Variants in GART observed in about 807,000 individuals in gnomAD.
GART encodes trifunctional purine biosynthetic protein adenosine-3.
In GART, 43 loss-of-function variants were observed where a neutral mutation model predicts 107.2. The ratio of observed to expected loss-of-function variants is 0.40; its 90% CI spans 0.31 to 0.52. The LOEUF is 0.52. GART is among the 20% of genes least tolerant of loss of function. The pLI, the probability that GART is intolerant of heterozygous loss-of-function variation, is 0.52. For synonymous variants in GART, 434 were observed against 427.0 expected, an observed-to-expected ratio of 1.02 and a Z score of -0.20; for missense variants, 1,107 against 1,206.5, an observed-to-expected ratio of 0.92 and a Z score of 1.22.
At chr21:33,520,332 G>T in intron 14 of GART, 32 bp downstream of exon 14, 2 of 1,592,338 alleles carry the variant, frequency 1.3e-6, no homozygotes, top group South Asian at 1.1e-5. Context: ...AAAGAAGAAT[G>T]ACATGTTATT....
rs2084891563 is a variant in GART, at chr21:33,517,033, T to G, written c.2063A>C (p.Glu688Ala). 6.2e-7 allele frequency: 1 copy of G among 1,613,778 alleles called. No homozygotes were observed. The highest frequency in any genetic ancestry group is 8.5e-7 in the Non-Finnish European group (1 of 1,179,906). The change falls in exon 16 of 22, where the codon GAG becomes GCG. Residue 688 changes from glutamate to alanine, a missense_variant. Transcript: ENST00000381815. ...CTCAGGGAGGACTCTGGGGATGTTC[T>G]CTAGTAATCCTCCACCAGTAATATG... ...FAHITGGGLL[E>A]NIPRVLPEKL... is the part of the protein sequence containing the mutation.
chr21:33,527,514 C>T (rs1010582069), intron 10 of GART, among the ~76,000 whole-genome samples: 2 of 150,714 alleles, frequency 1.3e-5, no homozygotes, highest in African/African-American at 2.4e-5. Flanking sequence ...GAGTCTATCT[C>T]GAAAAAAAAA....
At chr21:33,536,032 C>CA (rs200189222) in intron 2 of GART, among the ~76,000 whole-genome samples, 1,445 of 138,496 alleles carry the variant, frequency 0.01, 67 homozygotes, top group Admixed American at 0.085. Context: ...AACTCTGTCT[C>CA]AAAAAAAAAA....
At chr21:33,523,950 A>G in intron 11 of GART, 1 of 951,408 alleles carries the variant, frequency 1.1e-6, no homozygotes, top group Non-Finnish European at 1.2e-6. Context: ...CTGGGCGACA[A>G]GAGCAAAATT....
At chr21:33,534,470 G>T in intron 4 of GART, 109 bp downstream of exon 4, 1 of 1,145,458 alleles carries the variant, frequency 8.7e-7, no homozygotes, top group Non-Finnish European at 1.3e-6. Flanking sequence ...ACCTGCCTTG[G>T]CCTCCCAAAG....
At position 33,524,966 on chromosome 21, in the gene GART, C is replaced by T; in HGVS notation, c.1101G>A (p.Val367=). ...TTTTGAGGGCAGTGCCTGCATGGAA[C>T]ACCTCCAGTCCTAGAGCTTGAGCCT... ...FPEAQALGLE[V]FHAGTALKNG... The change falls in exon 11 of 22, where the codon GTG becomes GTA. Residue 367 remains valine (V), a synonymous_variant. Coordinates refer to ENST00000381815, the MANE Select transcript of GART (RefSeq NM_000819.5). 6.2e-7 allele frequency: 1 copy of T among 1,614,192 alleles called. No individual in the cohort carries two copies. The highest frequency in any genetic ancestry group is 1.6e-4 in the Middle Eastern group (1 of 6,062).
At chr21:33,523,413 A>G (rs2085008414) in intron 11 of GART, among the ~76,000 whole-genome samples, 1 of 152,166 alleles carries the variant, frequency 6.6e-6, no homozygotes, top group Non-Finnish European at 1.5e-5. Flanking sequence ...TTTATAACTT[A>G]AATAATTCAG....
rs1458737131 is a variant in GART at position 33,515,669 on chromosome 21, A to AC, written c.2107+1319_2107+1320insG. Among the ~76,000 whole-genome samples the AC allele has an allele frequency of 1.4e-3, 206 of 151,234 alleles. 2 individuals carry two copies. Among genetic ancestry groups the AC allele is most frequent in the African/African-American group, 4.8e-3 (199 of 41,246 alleles). ...CTCCAACTCAAAAAAAAAAAAAAAA[A>AC]AAAAAACGAAAAACAAAAAACAAAA... is the stretch of plus-strand genomic sequence containing the variant. On this transcript the variant is annotated intron_variant, in intron 16 of 21. Transcript: ENST00000381815.
chr21:33,530,790 C>T lies in GART; in HGVS notation c.692G>A (p.Gly231Glu), dbSNP rs374582609. The change falls in exon 7 of 22, where the codon GGG (glycine) becomes GAG (glutamate). Residue 231 changes from glycine (G) to glutamate (E), a missense_variant. Gly to Glu is a moderately conservative substitution (Grantham distance 98). Coordinates refer to ENST00000381815, the MANE Select transcript of GART (RefSeq NM_000819.5). ...LLEGDGGPNT[G>E]GMGAYCPAPQ... ...GGCTGGACAATAGGCTCCCATTCCCCCTGTGTTAGGGCCACCATCTCCCTC... is the reference window on the plus strand; with the variant it reads ...GGCTGGACAATAGGCTCCCATTCCCTCTGTGTTAGGGCCACCATCTCCCTC... 18 of 1,520,196 alleles carry T rather than the reference C, an allele frequency of 1.2e-5. 1 individual carries two copies. The highest frequency in any genetic ancestry group is 1.6e-5 in the Non-Finnish European group (18 of 1,140,150). 94.2% of individuals were successfully genotyped at this position (1,520,196 alleles called of 1,614,324 possible).
Position 33,518,481 on chromosome 21 carries a change from A to C in GART, c.1703-873T>G, listed in dbSNP as rs143607144. ...TCACAGAGCAAGACTCCATCTCAAA[A>C]AGAAAAAAAAAAAAGAAGAAATTGT... On this transcript the variant is annotated intron_variant, in intron 14 of 21. Coordinates refer to ENST00000381815, the MANE Select transcript of GART (RefSeq NM_000819.5). The C allele has an allele frequency of 8.2e-4, 161 of 196,370 alleles. 1 individual carries two copies. Among genetic ancestry groups the C allele is most frequent in the Middle Eastern group, 4.5e-3 (2 of 442 alleles). The allele number at this position is 196,370 out of a possible 1,614,324, so 12.2% of individuals were successfully genotyped here. A position where few individuals can be genotyped will look rare whatever the true frequency, so the allele number is the denominator to read the frequency against.
rs1442108843 is a variant in GART at position 33,511,359 on chromosome 21, C to A, written c.2207G>T (p.Gly736Val). 1 of 1,614,162 alleles carries A rather than the reference C, an allele frequency of 6.2e-7. No individual in the cohort carries two copies. Among genetic ancestry groups the A allele is most frequent in the Non-Finnish European group, 8.5e-7 (1 of 1,180,034 alleles). The change falls in exon 17 of 22, where the codon GGC becomes GTC. Residue 736 changes from glycine (G) to valine (V), a missense_variant. Transcript: ENST00000381815. ...CTCCTTTGATACCACAAGGACAGCGCCAACCCCACAGTTAAATGTTCTGGC... is the reference window on the plus strand; with the variant it reads ...CTCCTTTGATACCACAAGGACAGCGACAACCCCACAGTTAAATGTTCTGGC... ...EMARTFNCGV[G>V]AVLVVSKEQT...
intron 14 of GART, among the ~76,000 whole-genome samples, chr21:33,520,127 C>T (rs2084943587): frequency 6.6e-6 from 1 of 152,080 alleles, no homozygotes; most frequent in Non-Finnish European, 1.5e-5. Context: ...TAAGGCCTGC[C>T]TGACAGTTTG....
In GART at chr21:33,522,202, G is replaced by A. The variant is rs976204987; in HGVS notation, c.1379C>T (p.Ala460Val). 1 of 1,612,896 alleles carries A rather than the reference G, an allele frequency of 6.2e-7. No homozygotes were observed. Among genetic ancestry groups the A allele is most frequent in the Admixed American group, 1.7e-5 (1 of 59,988 alleles). Residue 460 changes from alanine to valine, a missense_variant, in exon 12 of 22, where the codon GCC (alanine) becomes GTC (valine). By Grantham distance (64) the Ala-to-Val change is moderately conservative. Coordinates refer to ENST00000381815, the MANE Select transcript of GART (RefSeq NM_000819.5). ...LVKKIQPLAK[A>V]TSRSGCKVDL... ...GGATCACTGACCTGATCTGGAAGTG[G>A]CTTTTGCTAAAGGCTGAATTTTCTT... is the stretch of plus-strand genomic sequence containing the variant.
chr21:33,506,093 G>C lies in GART; in HGVS notation c.2464C>G (p.Gln822Glu). The stretch of plus-strand genomic sequence containing the variant: ...TCCCGAGTACTGTCTATAAGTGCTT[G>C]CAGGTTCGATCCTGAGAAGGGAGAA... ...VLISGTGSNL[Q>E]ALIDSTREPN... Residue 822 changes from glutamine (Q) to glutamate (E), a missense_variant, in exon 19 of 22, where the codon CAA becomes GAA. By Grantham distance (29) the Gln-to-Glu change is conservative. Transcript: ENST00000381815. 1 of 1,613,362 alleles carries C rather than the reference G, an allele frequency of 6.2e-7. No individual in the cohort carries two copies. The highest frequency in any genetic ancestry group is 8.5e-7 in the Non-Finnish European group (1 of 1,179,736).
intron 14 of GART, among the ~76,000 whole-genome samples, chr21:33,519,552 T>TAA (rs559509642): frequency 1.3e-4 from 16 of 123,334 alleles, no homozygotes; most frequent in Non-Finnish European, 1.4e-4. Flanking sequence ...AGACTCTGTT[T>TAA]AAAAAAAAAA....
Position 33,505,999 on chromosome 21 carries a change from G to A in GART, c.2558C>T (p.Ala853Val), listed in dbSNP as rs1178831548. The change falls in exon 19 of 22, where the codon GCG becomes GTG. Residue 853 changes from alanine (A) to valine (V), a missense_variant. Ala to Val is a moderately conservative substitution (Grantham distance 64). Transcript: ENST00000381815. ...TCTAGTGGGAATACCAGCTCTTTCCGCTTTATCTAACCCAGCTACTGCGGC... is the reference window on the plus strand; with the variant it reads ...TCTAGTGGGAATACCAGCTCTTTCCACTTTATCTAACCCAGCTACTGCGGC... ...NKAAVAGLDKAERAGIPTRVI... is the reference protein window; with the variant it reads ...NKAAVAGLDKVERAGIPTRVI... 1.9e-6 allele frequency: 3 copies of A among 1,613,934 alleles called. No homozygotes were observed. Among genetic ancestry groups the A allele is most frequent in the East Asian group, 2.2e-5 (1 of 44,890 alleles).
chr21:33,521,996 A>T (rs1197085962), intron 12 of GART, among the ~76,000 whole-genome samples, 192 bp downstream of exon 12: 1 of 151,802 alleles, frequency 6.6e-6, no homozygotes. Flanking sequence ...TATCCTTTTG[A>T]GTTTAACATG....
At chr21:33,520,682 T>G in intron 13 of GART, 120 bp from the exon 14 acceptor site, 4 of 904,186 alleles carry the variant, frequency 4.4e-6, no homozygotes, top group Non-Finnish European at 5.0e-6. Context: ...GACAAGCTAC[T>G]TGGTCTAAAA....
Position 33,532,183 on chromosome 21 carries a change from T to A in GART, c.528+162A>T, listed in dbSNP as rs189255222. On this transcript the variant is annotated intron_variant, in intron 5 of 21. Coordinates refer to ENST00000381815, the MANE Select transcript of GART (RefSeq NM_000819.5). ...TTAATTTACAGTGTAAATCCATAAC[T>A]ATTTTATAGAGATGGATTATAATAC... The A allele has an allele frequency of 9.4e-4, 581 of 620,594 alleles. 4 individuals carry two copies. The East Asian group carries it at 0.015, about 16-fold the overall frequency. The allele number at this position is 620,594 out of a possible 1,614,324, so 38.4% of individuals were successfully genotyped here.
Sources: allele counts gnomAD v4.1 joint callset (sites outside exome capture counted in the v4.1 genomes callset), GRCh38; gene constraint gnomAD v4.1.1; transcripts MANE v1.5; gene names NCBI Gene and HGNC (gene_info 2026-07-23, HGNC 2026-07-21).